XPR1: variants seen among roughly 807,000 people sequenced by gnomAD.
The protein encoded by XPR1 is xenotropic and polytropic retrovirus receptor 1.
Under a neutral mutation model 87.5 loss-of-function variants are expected in XPR1, and 28 were observed. The ratio of observed to expected loss-of-function variants is 0.32; its 90% CI spans 0.24 to 0.44. The LOEUF is 0.44. Ranked by LOEUF, XPR1 falls within the 20% of genes least tolerant of loss-of-function variation. The probability of loss-of-function intolerance (pLI) is 1.00; values close to 1 mark genes in which losing one functional copy is unlikely to be tolerated. For synonymous variants in XPR1, 300 were observed against 306.1 expected, an observed-to-expected ratio of 0.98 and a Z score of 0.21; for missense variants, 559 against 862.3, an observed-to-expected ratio of 0.65 and a Z score of 4.41.
At chr1:180,636,724 A>G (rs1654787246) in intron 1 of XPR1, among the ~76,000 whole-genome samples, 1 of 152,198 alleles carries the variant, frequency 6.6e-6, no homozygotes, top group Non-Finnish European at 1.5e-5. Context: ...GAGTGTGCCC[A>G]AAACTCCCAT....
At chr1:180,819,282 G>A (rs1650524905) in intron 7 of XPR1, among the ~76,000 whole-genome samples, 1 of 152,142 alleles carries the variant, frequency 6.6e-6, no homozygotes, top group Admixed American at 6.6e-5. Context: ...AAGTAAATAA[G>A]TTCATTAGCT....
In XPR1 at chr1:180,838,894, G is replaced by T. The variant is rs568306292; in HGVS notation, c.1501+2178G>T. On this transcript the variant is annotated intron_variant, in intron 11 of 14. Coordinates refer to ENST00000367590, the MANE Select transcript of XPR1 (RefSeq NM_004736.4). Reference sequence around the variant, plus strand: ...GAGATTAATTTGTTTTCTGTTCTGGGTTGTAATTACTATTACCCTGATTAT... The same window carrying T: ...GAGATTAATTTGTTTTCTGTTCTGGTTTGTAATTACTATTACCCTGATTAT... 1.2e-4 allele frequency among the ~76,000 whole-genome samples: 19 copies of T among 152,062 alleles called. 1 individual carries two copies. The highest frequency in any genetic ancestry group is 3.4e-3 in the Middle Eastern group (1 of 292).
chr1:180,820,785 T>C (rs528513472), intron 7 of XPR1, among the ~76,000 whole-genome samples: 2 of 152,334 alleles, frequency 1.3e-5, no homozygotes, highest in African/African-American at 4.8e-5. Context: ...TGGTATCTCA[T>C]TGTGGTTTTA....
chr1:180,655,839 A>G (rs1200541487), intron 1 of XPR1, among the ~76,000 whole-genome samples: 2 of 151,886 alleles, frequency 1.3e-5, no homozygotes, highest in African/African-American at 4.8e-5. Context: ...TTGTGGATGC[A>G]TAGTAGGTGT....
chr1:180,786,101 A>G (rs1301774111), intron 2 of XPR1, among the ~76,000 whole-genome samples: 1 of 152,098 alleles, frequency 6.6e-6, no homozygotes, highest in African/African-American at 2.4e-5. Flanking sequence ...TCTAGAATCA[A>G]TACAACATCC....
At chr1:180,704,850 CA>C (rs1270085302) in intron 2 of XPR1, among the ~76,000 whole-genome samples, 1 of 97,062 alleles carries the variant, frequency 1.0e-5, no homozygotes, top group Non-Finnish European at 1.9e-5. Flanking sequence ...AAGTAATAAT[CA>C]TGGAATCTTA....
chr1:180,634,961 A>G (rs917787594), intron 1 of XPR1, among the ~76,000 whole-genome samples: 5 of 152,086 alleles, frequency 3.3e-5, no homozygotes, highest in African/African-American at 9.7e-5. Flanking sequence ...AAGTAAGTAT[A>G]TAGGGCCAGA....
chr1:180,816,066 A>G (rs1650397839), intron 7 of XPR1, among the ~76,000 whole-genome samples: 1 of 152,188 alleles, frequency 6.6e-6, no homozygotes, highest in Non-Finnish European at 1.5e-5. Flanking sequence ...GTGGAATACC[A>G]TGGAGATATT....
intron 2 of XPR1, among the ~76,000 whole-genome samples, chr1:180,740,528 C>CTAT (rs775266077): frequency 4.0e-5 from 6 of 151,838 alleles, no homozygotes; most frequent in Admixed American, 1.3e-4. Flanking sequence ...TTGTGGTATG[C>CTAT]TATTCTTTTT....
chr1:180,714,841 G>A (rs186510467), intron 2 of XPR1, among the ~76,000 whole-genome samples: 53 of 145,724 alleles, frequency 3.6e-4, no homozygotes, highest in African/African-American at 1.4e-3. Flanking sequence ...CTGTTGTTTG[G>A]CAATTTTAAT....
chr1:180,842,980 G>T (rs1571888291), intron 11 of XPR1, among the ~76,000 whole-genome samples: 1 of 152,328 alleles, frequency 6.6e-6, no homozygotes, highest in African/African-American at 2.4e-5. Context: ...TTATGTCTGT[G>T]TGGTTGTTTT....
chr1:180,658,728 CTTTT>C, intron 1 of XPR1, among the ~76,000 whole-genome samples: 1 of 140,696 alleles, frequency 7.1e-6, no homozygotes, highest in East Asian at 2.1e-4. Flanking sequence ...CCATGCCCAG[CTTTT>C]TTTTTTTTTT....
intron 7 of XPR1, among the ~76,000 whole-genome samples, chr1:180,813,275 G>A (rs911487821): frequency 6.6e-6 from 1 of 152,058 alleles, no homozygotes; most frequent in African/African-American, 2.4e-5. Flanking sequence ...TCTAATCTAA[G>A]AGCCTCTGCA....
chr1:180,731,427 A>G (rs1175244136), intron 2 of XPR1, among the ~76,000 whole-genome samples: 2 of 152,214 alleles, frequency 1.3e-5, no homozygotes, highest in Non-Finnish European at 2.9e-5. Flanking sequence ...AACAATATGT[A>G]AGAAAACAAG....
intron 2 of XPR1, among the ~76,000 whole-genome samples, chr1:180,720,423 T>C (rs1205393839): frequency 6.6e-6 from 1 of 152,102 alleles, no homozygotes; most frequent in Non-Finnish European, 1.5e-5. Flanking sequence ...CTTGAGGAAA[T>C]AGGTCATGGT....
At chr1:180,873,230 G>T (rs1290929912) in intron 12 of XPR1, among the ~76,000 whole-genome samples, 3 of 152,172 alleles carry the variant, frequency 2.0e-5, no homozygotes, top group Non-Finnish European at 4.4e-5. Context: ...CTGGGTGCTA[G>T]TACCTGCAAG....
At chr1:180,638,509 A>G (rs761113296) in intron 1 of XPR1, among the ~76,000 whole-genome samples, 6 of 152,124 alleles carry the variant, frequency 3.9e-5, no homozygotes, top group Non-Finnish European at 8.8e-5. Context: ...TTATCTAGTA[A>G]ATGCTAAAAG....
intron 2 of XPR1, among the ~76,000 whole-genome samples, chr1:180,782,537 AAGAG>A (rs928581923): frequency 1.3e-5 from 2 of 151,932 alleles, no homozygotes; most frequent in African/African-American, 4.8e-5. Flanking sequence ...GAGAGAGAGA[AAGAG>A]AGAGAACATA....
rs1401992633 is a variant in XPR1, at chr1:180,885,345, A to C, written c.*1279A>C. 6.6e-6 allele frequency: 1 copy of C among 152,638 alleles called. No individual in the cohort carries two copies. Among genetic ancestry groups the C allele is most frequent in the African/African-American group, 2.4e-5 (1 of 41,464 alleles). The allele number at this position is 152,638 out of a possible 1,614,324, so 9.5% of individuals were successfully genotyped here. A position where few individuals can be genotyped will look rare whatever the true frequency, so the allele number is the denominator to read the frequency against. On this transcript the variant is annotated 3_prime_UTR_variant, in exon 15 of 15. Transcript: ENST00000367590. ...TTTTAAAGGATGAACATTGGATTTC[A>C]TGCCATCCCATAGAAAACCTGTTTT... is the stretch of plus-strand genomic sequence containing the variant.
Sources: allele counts gnomAD v4.1 joint callset (sites outside exome capture counted in the v4.1 genomes callset), GRCh38; gene constraint gnomAD v4.1.1; transcripts MANE v1.5; gene names NCBI Gene and HGNC (gene_info 2026-07-23, HGNC 2026-07-21).